The following HPSE2 variants were observed in gnomAD, a reference collection of about 807,000 sequenced individuals.
HPSE2 encodes the protein heparanase 2 (inactive).
HPSE2 carries 38 observed loss-of-function variants against 60.5 expected under a neutral mutation model. That is an observed-to-expected ratio of 0.63 (90% confidence interval 0.48 to 0.82). The LOEUF (loss-of-function observed/expected upper bound fraction) is 0.82. HPSE2 is among the 40% of genes least tolerant of loss of function. The pLI, the probability that HPSE2 is intolerant of heterozygous loss-of-function variation, is 0.00. For missense variants in HPSE2, 713 were observed against 740.4 expected (o/e 0.96, Z 0.43); for synonymous variants, 295 against 293.2 (o/e 1.01, Z -0.06).
chr10:98,491,688 C>T (rs1229368809), intron 9 of HPSE2, among the ~76,000 whole-genome samples: 2 of 152,120 alleles, frequency 1.3e-5, no homozygotes, highest in African/African-American at 2.4e-5. Context: ...TCTTATTTTA[C>T]AGATATGAGA....
intron 3 of HPSE2, among the ~76,000 whole-genome samples, chr10:99,028,628 A>G (rs1465551705): frequency 6.6e-6 from 1 of 152,186 alleles, no homozygotes; most frequent in Non-Finnish European, 1.5e-5. Context: ...GAAATAGAAA[A>G]AACAATCCTA....
At chr10:98,547,832 A>C (rs907185909) in intron 9 of HPSE2, among the ~76,000 whole-genome samples, 16 of 148,244 alleles carry the variant, frequency 1.1e-4, no homozygotes, top group African/African-American at 2.5e-4. Flanking sequence ...ATAGAACACA[A>C]ACACACACAC....
intron 3 of HPSE2, among the ~76,000 whole-genome samples, chr10:98,974,333 TTTTGTTTG>T: frequency 6.6e-6 from 1 of 151,478 alleles, no homozygotes; most frequent in Middle Eastern, 3.5e-3. Flanking sequence ...GCCAAAGTTT[TTTTGTTTG>T]TTTGTTTGTT....
chr10:98,939,883 T>C (rs1954936470), intron 3 of HPSE2, among the ~76,000 whole-genome samples: 2 of 143,608 alleles, frequency 1.4e-5, no homozygotes, highest in Non-Finnish European at 3.0e-5. Flanking sequence ...ACAAACTGTC[T>C]CTCAGACCAC....
At chr10:99,044,252 A>G (rs1957805098) in intron 3 of HPSE2, among the ~76,000 whole-genome samples, 1 of 152,226 alleles carries the variant, frequency 6.6e-6, no homozygotes, top group South Asian at 2.1e-4. Context: ...TATCCTGCCA[A>G]ACTAAGCTTG....
intron 3 of HPSE2, among the ~76,000 whole-genome samples, chr10:99,014,162 TG>T (rs1185999714): frequency 1.3e-5 from 2 of 152,212 alleles, no homozygotes; most frequent in African/African-American, 4.8e-5. Flanking sequence ...CACACTCACC[TG>T]GCTCGTGGAC....
chr10:98,713,124 C>T (rs1367807382), intron 5 of HPSE2, among the ~76,000 whole-genome samples: 1 of 151,862 alleles, frequency 6.6e-6, no homozygotes, highest in Non-Finnish European at 1.5e-5. Flanking sequence ...TAGCTTAGCA[C>T]ATAACCAGGC....
chr10:99,229,031 G>T (rs115161165), intron 2 of HPSE2, among the ~76,000 whole-genome samples: 1 of 151,742 alleles, frequency 6.6e-6, no homozygotes, highest in Non-Finnish European at 1.5e-5. Flanking sequence ...AAAAATTAGC[G>T]AGGCATGGTG....
intron 9 of HPSE2, among the ~76,000 whole-genome samples, chr10:98,603,547 A>G (rs1945492977): frequency 6.6e-6 from 1 of 151,260 alleles, no homozygotes; most frequent in Non-Finnish European, 1.5e-5. Context: ...CTCCTGCCAC[A>G]GCCTCCCGAG....
chr10:99,034,989 A>C (rs987269478), intron 3 of HPSE2, among the ~76,000 whole-genome samples: 1 of 152,184 alleles, frequency 6.6e-6, no homozygotes, highest in Non-Finnish European at 1.5e-5. Flanking sequence ...TGAGTGTGTC[A>C]GTGAGTGAGT....
intron 2 of HPSE2, among the ~76,000 whole-genome samples, chr10:99,162,121 C>T (rs900119557): frequency 2.0e-5 from 3 of 152,056 alleles, no homozygotes; most frequent in Non-Finnish European, 4.4e-5. Context: ...GTTTGTAAAA[C>T]AACTATCAAT....
At chr10:99,243,911 G>A in the HPSE2 span, among the ~76,000 whole-genome samples, 2 of 152,160 alleles carry the variant, frequency 1.3e-5, no homozygotes, top group African/African-American at 4.8e-5. Flanking sequence ...ACTCCAGCTT[G>A]GGCAACAGAG....
intron 2 of HPSE2, among the ~76,000 whole-genome samples, chr10:99,169,281 G>A (rs552049361): frequency 9.5e-4 from 143 of 150,012 alleles, no homozygotes; most frequent in Middle Eastern, 3.6e-3. Flanking sequence ...CGAGGCAGGC[G>A]GATCACGAAG....
intron 6 of HPSE2, among the ~76,000 whole-genome samples, chr10:98,662,739 GC>G (rs1947257489): frequency 6.6e-6 from 1 of 152,184 alleles, no homozygotes; most frequent in South Asian, 2.1e-4. Context: ...TCCTTAGAAT[GC>G]ACTTTGAGAA....
chr10:98,998,135 G>A (rs1474886002), intron 3 of HPSE2, among the ~76,000 whole-genome samples: 1 of 152,102 alleles, frequency 6.6e-6, no homozygotes, highest in Non-Finnish European at 1.5e-5. Flanking sequence ...ATTTGAAAAG[G>A]TCTTTATCTT....
chr10:98,799,028 G>T (rs1171217276), intron 3 of HPSE2, among the ~76,000 whole-genome samples: 14 of 152,080 alleles, frequency 9.2e-5, no homozygotes. Flanking sequence ...CAAATTATTT[G>T]TTGTCTATAA....
intron 3 of HPSE2, among the ~76,000 whole-genome samples, chr10:98,867,606 A>G (rs1952622073): frequency 6.6e-6 from 1 of 152,226 alleles, no homozygotes; most frequent in Non-Finnish European, 1.5e-5. Context: ...AAAACTAAAA[A>G]TAGGCTACCA....
At position 99,116,212 on chromosome 10, in the gene HPSE2, G is replaced by A. The variant is rs929179101; in HGVS notation, c.610+28026C>T. On this transcript the variant is annotated intron_variant, in intron 3 of 11. Transcript: ENST00000370552. Reference sequence around the variant, plus strand: ...ACATCCTAGATTACCAAGAAACACTGATCTAGATTCAAACTCTAACAGTCT... The same window carrying A: ...ACATCCTAGATTACCAAGAAACACTAATCTAGATTCAAACTCTAACAGTCT... Among the ~76,000 whole-genome samples, 9 of 151,410 alleles carry A rather than the reference G, an allele frequency of 5.9e-5. No homozygotes were observed. The Middle Eastern group carries it at 0.01, about 172-fold the overall frequency.
the HPSE2 span, among the ~76,000 whole-genome samples, chr10:99,267,333 A>T: frequency 2.6e-5 from 4 of 152,088 alleles, no homozygotes; most frequent in African/African-American, 9.7e-5. Flanking sequence ...CAGAAATACA[A>T]ATATACTGGA....
Sources: gnomAD v4.1 joint callset for allele counts (sites outside exome capture counted in the v4.1 genomes callset) on GRCh38, gnomAD v4.1.1 for gene constraint, MANE v1.5 for transcripts, NCBI Gene and HGNC (gene_info 2026-07-23, HGNC 2026-07-21) for gene names.